The following PML variants were observed in gnomAD, a reference collection of about 807,000 sequenced individuals.
The protein encoded by PML is PML nuclear body scaffold, also known as protein PML.
Under a neutral mutation model 65.2 loss-of-function variants are expected in PML, and 28 were observed. The ratio of observed to expected loss-of-function variants is 0.43; its 90% confidence interval spans 0.32 to 0.59. The LOEUF is 0.59. PML is among the 20% of genes least tolerant of loss of function. The pLI is 0.08. For synonymous variants in PML, 500 were observed against 508.8 expected (o/e 0.98, Z 0.23); for missense variants, 1,021 against 1,203.4 (o/e 0.85, Z 2.24).
At chr15:74,040,606 G>T (rs1360652481) in intron 7 of PML, among the ~76,000 whole-genome samples, 1 of 152,190 alleles carries the variant, frequency 6.6e-6, no homozygotes, top group Non-Finnish European at 1.5e-5. Flanking sequence ...GTTTAAATGC[G>T]TCAGCACTCC....
At chr15:74,036,133 T>C in intron 7 of PML, 1 of 1,610,922 alleles carries the variant, frequency 6.2e-7, no homozygotes, top group Non-Finnish European at 8.5e-7. Flanking sequence ...CTGGGTCTTC[T>C]CTGGCTGAGA....
intron 2 of PML, among the ~76,000 whole-genome samples, chr15:74,007,644 C>T (rs1415771536): frequency 6.6e-6 from 1 of 152,188 alleles, no homozygotes; most frequent in Non-Finnish European, 1.5e-5. Flanking sequence ...CCAGAGGTGG[C>T]TTTAAACCTG....
intron 2 of PML, among the ~76,000 whole-genome samples, chr15:74,019,629 C>T (rs1480745713): frequency 3.3e-5 from 5 of 152,110 alleles, no homozygotes; most frequent in Admixed American, 3.3e-4. Flanking sequence ...TATTTTTCCC[C>T]ATTCTTACAC....
intron 4 of PML, 83 bp from the exon 5 acceptor site, chr15:74,032,489 G>T: frequency 6.7e-7 from 1 of 1,498,056 alleles, no homozygotes; most frequent in Admixed American, 1.7e-5. Context: ...AGGCCCCAGG[G>T]ATTAGGCCAA....
chr15:74,008,692 T>C (rs1199385040), intron 2 of PML, among the ~76,000 whole-genome samples: 1 of 151,302 alleles, frequency 6.6e-6, no homozygotes, highest in East Asian at 1.9e-4. Context: ...TGAGCCAAGA[T>C]TGCGCCGATG....
chr15:74,031,976 A>G, intron 4 of PML, among the ~76,000 whole-genome samples: 1 of 152,224 alleles, frequency 6.6e-6, no homozygotes, highest in Non-Finnish European at 1.5e-5. Context: ...CTTGTGTAGT[A>G]GCTGACCCAG....
chr15:74,017,151 T>C (rs2070630712), intron 2 of PML, among the ~76,000 whole-genome samples: 1 of 152,180 alleles, frequency 6.6e-6, no homozygotes, highest in South Asian at 2.1e-4. Context: ...GTAATTATAG[T>C]GTCTTTACTA....
chr15:74,010,800 G>A (rs190229824), intron 2 of PML, among the ~76,000 whole-genome samples: 17 of 152,268 alleles, frequency 1.1e-4, no homozygotes, highest in South Asian at 2.1e-4. Flanking sequence ...CAGAAGATAC[G>A]TTCAGATCAA....
Position 74,037,637 on chromosome 15 carries a change from A to G in PML, c.1710+3107A>G. ...GTACCAGGGTGGCCTCTGTGCCTCT[A>G]GGTGCAGTGTCGCGTTTAGTCGTTA... On this transcript the variant is annotated intron_variant, in intron 7 of 8. Coordinates refer to ENST00000268058, the MANE Select transcript of PML (RefSeq NM_033238.3). The surrounding 1 kb of genome is among the most constrained non-coding windows in gnomAD (Gnocchi z 4.2). 2.0e-6 allele frequency: 2 copies of G among 985,222 alleles called. No individual in the cohort carries two copies. The highest frequency in any genetic ancestry group is 2.4e-6 in the Non-Finnish European group (2 of 829,878). The allele number at this position is 985,222 out of a possible 1,614,324, so 61.0% of individuals were successfully genotyped here. A position where few individuals can be genotyped will look rare whatever the true frequency, so the allele number is the denominator to read the frequency against.
rs932631449 is a variant in PML at position 74,037,732 on chromosome 15, T to C, written c.1710+3202T>C. 1.0e-6 allele frequency: 1 copy of C among 984,110 alleles called. No homozygotes were observed. Among genetic ancestry groups the C allele is most frequent in the Non-Finnish European group, 1.2e-6 (1 of 828,874 alleles). 61.0% of individuals were successfully genotyped at this position (984,110 alleles called of 1,614,324 possible). The stretch of plus-strand genomic sequence containing the variant: ...CCTGCTCGGATGCAGCTCTGGGCAC[T>C]CCTCCCTCTCCTCTGCAGGCTCTGT... On this transcript the variant is annotated intron_variant, in intron 7 of 8. Coordinates refer to ENST00000268058, the MANE Select transcript of PML (RefSeq NM_033238.3). The surrounding 1 kb of genome is among the most constrained non-coding windows in gnomAD (Gnocchi z 4.2).
At chr15:74,005,491 G>A (rs997480501) in intron 2 of PML, among the ~76,000 whole-genome samples, 9 of 151,182 alleles carry the variant, frequency 6.0e-5, no homozygotes, top group African/African-American at 1.5e-4. Context: ...AGAGCTCCTC[G>A]AATTGTTTTT....
chr15:74,013,666 C>T (rs564448932), intron 2 of PML, among the ~76,000 whole-genome samples: 2 of 152,314 alleles, frequency 1.3e-5, no homozygotes, highest in South Asian at 4.1e-4. Flanking sequence ...TGTTACTCAA[C>T]TCATATATTG....
Position 74,044,553 on chromosome 15 carries a change from A to G in PML, c.2194A>G (p.Thr732Ala), listed in dbSNP as rs140696630. The G allele has an allele frequency of 6.2e-5, 100 of 1,613,112 alleles. No individual in the cohort carries two copies. Among genetic ancestry groups the G allele is most frequent in the Non-Finnish European group, 9.3e-6 (11 of 1,180,030 alleles). Residue 732 changes from threonine to alanine, a missense_variant, in exon 9 of 9, where the codon ACC (threonine) becomes GCC (alanine). Thr to Ala is a moderately conservative substitution (Grantham distance 58). Coordinates refer to ENST00000268058, the MANE Select transcript of PML (RefSeq NM_033238.3). ...CTTCAAACTCAAGAACCTGGCCCAG[A>G]CCTACCTGGCGAGAAACATGAGCGA... is the stretch of plus-strand genomic sequence containing the variant. ...SSFKLKNLAQ[T>A]YLARNMSERS... is the part of the protein sequence containing the mutation.
chr15:74,022,448 G>C (rs16958591), intron 2 of PML, among the ~76,000 whole-genome samples: 6,575 of 152,274 alleles, frequency 0.043, 232 homozygotes, highest in East Asian at 0.19. Flanking sequence ...CCTGCAAGCA[G>C]CAGCCCAGTC....
At chr15:74,032,514 T>C (rs2071367387) in intron 4 of PML, 58 bp from the exon 5 acceptor site, 2 of 1,601,260 alleles carry the variant, frequency 1.2e-6, no homozygotes, top group Non-Finnish European at 1.7e-6. Context: ...AGGTCTGGGG[T>C]ACCTGGCCCT....
chr15:73,998,355 C>T lies in PML; in HGVS notation c.481C>T (p.His161Tyr). ...CFEAHQWFLK[H>Y]EARPLAELRN... Reference sequence around the variant, plus strand: ...CGAGGCACACCAGTGGTTCCTCAAGCACGAGGCCCGGCCCCTAGCAGAGCT... The same window carrying T: ...CGAGGCACACCAGTGGTTCCTCAAGTACGAGGCCCGGCCCCTAGCAGAGCT... The change falls in exon 2 of 9, where the codon CAC becomes TAC. Residue 161 changes from histidine (H) to tyrosine (Y), a missense_variant. By Grantham distance (83) the His-to-Tyr change is moderately conservative. Transcript: ENST00000268058. 1 of 1,614,220 alleles carries T rather than the reference C, an allele frequency of 6.2e-7. No homozygotes were observed.
At position 74,045,025 on chromosome 15, in the gene PML, G is replaced by A. The variant is rs1248219874; in HGVS notation, c.*17G>A. The A allele has an allele frequency of 1.9e-6, 3 of 1,580,352 alleles. No homozygotes were observed. Among genetic ancestry groups the A allele is most frequent in the Non-Finnish European group, 2.6e-6 (3 of 1,167,310 alleles). On this transcript the variant is annotated 3_prime_UTR_variant, in exon 9 of 9. Transcript: ENST00000268058. Reference sequence around the variant, plus strand: ...CAGAGCTGAGAGGAGGGGGTGACCAGCTTGGAGTCTCTGGTGGGCAGAGAG... The same window carrying A: ...CAGAGCTGAGAGGAGGGGGTGACCAACTTGGAGTCTCTGGTGGGCAGAGAG...
At chr15:74,029,945 A>T (rs2071244285) in intron 4 of PML, among the ~76,000 whole-genome samples, 2 of 152,104 alleles carry the variant, frequency 1.3e-5, no homozygotes, top group African/African-American at 4.8e-5. Context: ...AGATTTGGAG[A>T]AAAAGAAAGG....
rs750435184 is a variant in PML, at chr15:74,023,350, C to T, written c.1125C>T (p.Gly375=). The T allele has an allele frequency of 1.2e-6, 2 of 1,603,078 alleles. No individual in the cohort carries two copies. The highest frequency in any genetic ancestry group is 1.1e-5 in the South Asian group (1 of 91,070). The change falls in exon 3 of 9, where the codon GGC becomes GGT. Residue 375 remains glycine, a synonymous_variant. Coordinates refer to ENST00000268058, the MANE Select transcript of PML (RefSeq NM_033238.3). ...QSLQAAVRTD[G]FDEFKVRLQD... is the part of the protein sequence containing the mutation. ...TGCAAGCTGCCGTGCGCACCGATGGCTTCGACGAGTTCAAGGTGCGCCTGC... is the reference window on the plus strand; with the variant it reads ...TGCAAGCTGCCGTGCGCACCGATGGTTTCGACGAGTTCAAGGTGCGCCTGC...
Sources: allele counts gnomAD v4.1 joint callset (sites outside exome capture counted in the v4.1 genomes callset), GRCh38; gene constraint gnomAD v4.1.1; non-coding constraint Gnocchi (gnomAD v3.1); transcripts MANE v1.5; gene names NCBI Gene and HGNC (gene_info 2026-07-23, HGNC 2026-07-21).